Variants in CD200R1L observed in about 807,000 individuals in gnomAD.
The protein encoded by CD200R1L is cell surface glycoprotein CD200 receptor 2.
Under a neutral mutation model 24.8 loss-of-function variants are expected in CD200R1L, and 14 were observed. That is an observed-to-expected ratio of 0.56 (90% confidence interval 0.37 to 0.88). The LOEUF is 0.88. Ranked by LOEUF, CD200R1L falls within the 40% of genes least tolerant of loss-of-function variation. The pLI is 0.00. For synonymous variants in CD200R1L, 111 were observed against 109.2 expected (o/e 1.02, Z -0.11); for missense variants, 299 against 297.8 (o/e 1.00, Z -0.03).
intron 3 of CD200R1L, among the ~76,000 whole-genome samples, chr3:112,835,250 G>A (rs929897477): frequency 1.3e-5 from 2 of 152,316 alleles, no homozygotes; most frequent in East Asian, 3.9e-4. Context: ...CCTTTCTGCA[G>A]CCAGGGTGTC....
chr3:112,817,367 A>G (rs981889695), intron 7 of CD200R1L, among the ~76,000 whole-genome samples: 33 of 152,138 alleles, frequency 2.2e-4, no homozygotes, highest in African/African-American at 7.5e-4. Flanking sequence ...TTTTCTTCCA[A>G]GGCAGCTAGA....
At chr3:112,838,288 T>A (rs941316919) in intron 2 of CD200R1L, among the ~76,000 whole-genome samples, 3 of 152,106 alleles carry the variant, frequency 2.0e-5, no homozygotes, top group Non-Finnish European at 2.9e-5. Flanking sequence ...TCTGTACCAG[T>A]CTTTTGCCAG....
At chr3:112,819,942 G>A (rs2107328915) in intron 6 of CD200R1L, 47 bp from the exon 7 acceptor site, 2 of 1,508,814 alleles carry the variant, frequency 1.3e-6, no homozygotes, top group Non-Finnish European at 8.9e-7. Flanking sequence ...CATTCTTCTA[G>A]TTACAAATTA....
intron 3 of CD200R1L, among the ~76,000 whole-genome samples, chr3:112,835,806 GT>G (rs1317196958): frequency 6.6e-6 from 1 of 152,250 alleles, no homozygotes; most frequent in Non-Finnish European, 1.5e-5. Flanking sequence ...GCTTCTGCCT[GT>G]TCCCAGCTCC....
At chr3:112,828,337 G>T (rs1559922850) in intron 4 of CD200R1L, among the ~76,000 whole-genome samples, 2 of 152,110 alleles carry the variant, frequency 1.3e-5, no homozygotes, top group Non-Finnish European at 2.9e-5. Context: ...CAGTCAGTGA[G>T]ATCCACAGAT....
At chr3:112,821,056 CAAA>C (rs552399170) in intron 6 of CD200R1L, among the ~76,000 whole-genome samples, 6 of 82,774 alleles carry the variant, frequency 7.2e-5, no homozygotes, top group Admixed American at 1.4e-4. Context: ...GACTCTGTCT[CAAA>C]AAAAAAAAAA....
intron 6 of CD200R1L, among the ~76,000 whole-genome samples, chr3:112,825,217 C>T (rs1217589880): frequency 2.1e-5 from 3 of 145,566 alleles, no homozygotes; most frequent in East Asian, 2.0e-4. Flanking sequence ...CCAGCCTGGG[C>T]GACAGAGCGA....
rs568775094 is a variant in CD200R1L at position 112,825,398 on chromosome 3, T to G, written c.616+1595A>C. Reference sequence around the variant, plus strand: ...AAAAAGCTAATAAAATATTTAAAATTAGTAAATATTATATAAAATTATATA... The same window carrying G: ...AAAAAGCTAATAAAATATTTAAAATGAGTAAATATTATATAAAATTATATA... On this transcript the variant is annotated intron_variant, in intron 6 of 7. Coordinates refer to ENST00000488794, the MANE Select transcript of CD200R1L (RefSeq NM_001199215.3). Among the ~76,000 whole-genome samples the G allele has an allele frequency of 4.0e-5, 6 of 148,988 alleles. No individual in the cohort carries two copies. The East Asian group carries it at 1.2e-3, about 29-fold the overall frequency.
chr3:112,826,407 T>C (rs1055091583), intron 6 of CD200R1L, among the ~76,000 whole-genome samples: 1 of 152,152 alleles, frequency 6.6e-6, no homozygotes, highest in African/African-American at 2.4e-5. Context: ...GAGACAGAGA[T>C]ATTAAATACT....
chr3:112,824,791 G>A (rs1235672735), intron 6 of CD200R1L, among the ~76,000 whole-genome samples: 1 of 152,196 alleles, frequency 6.6e-6, no homozygotes, highest in East Asian at 1.9e-4. Context: ...CATTCTGTGA[G>A]CACAGAGGAG....
chr3:112,827,049 G>T lies in CD200R1L; in HGVS notation c.560C>A (p.Thr187Asn). 6.2e-7 allele frequency: 1 copy of T among 1,607,716 alleles called. No homozygotes were observed. The highest frequency in any genetic ancestry group is 8.5e-7 in the Non-Finnish European group (1 of 1,176,940). Residue 187 changes from threonine to asparagine, a missense_variant, in exon 6 of 8, where the codon ACC (threonine) becomes AAC (asparagine). Transcript: ENST00000488794. ...CPWEGHKSTV[T>N]CHVSHLTGNK... ...GCCAGTCAAATGGGAGACATGGCAGGTCACAGTAGACTTGTGGCCCTCCCA... is the reference window on the plus strand; with the variant it reads ...GCCAGTCAAATGGGAGACATGGCAGTTCACAGTAGACTTGTGGCCCTCCCA...
intron 2 of CD200R1L, among the ~76,000 whole-genome samples, chr3:112,842,195 T>C (rs1164864862): frequency 6.6e-6 from 1 of 152,144 alleles, no homozygotes; most frequent in Non-Finnish European, 1.5e-5. Context: ...ACCACCATGT[T>C]CTGGGAAAAG....
intron 6 of CD200R1L, among the ~76,000 whole-genome samples, chr3:112,821,412 C>G (rs1270657208): frequency 3.3e-5 from 5 of 152,224 alleles, no homozygotes; most frequent in African/African-American, 9.6e-5. Context: ...ACTACCTTTC[C>G]TTTTATTCCT....
At chr3:112,843,336 A>G (rs1939123863) in intron 2 of CD200R1L, among the ~76,000 whole-genome samples, 1 of 152,224 alleles carries the variant, frequency 6.6e-6, no homozygotes, top group African/African-American at 2.4e-5. Flanking sequence ...GCTCACTTAC[A>G]AAGAAACCCC....
chr3:112,826,948 A>C (rs1233116965), intron 6 of CD200R1L, 45 bp downstream of exon 6: 2 of 1,504,632 alleles, frequency 1.3e-6, no homozygotes, highest in Non-Finnish European at 1.8e-6. Context: ...ATGGAAGAAA[A>C]AGTTGAGCAT....
chr3:112,832,607 C>T (rs1938829078), intron 3 of CD200R1L, among the ~76,000 whole-genome samples: 1 of 152,126 alleles, frequency 6.6e-6, no homozygotes. Context: ...AGTTAGATCC[C>T]TGCAAAACAC....
At chr3:112,836,635 C>A (rs1255730834) in intron 3 of CD200R1L, among the ~76,000 whole-genome samples, 1 of 152,138 alleles carries the variant, frequency 6.6e-6, no homozygotes, top group East Asian at 1.9e-4. Context: ...TGCCAAACAC[C>A]TTTTTGACAT....
intron 2 of CD200R1L, 39 bp downstream of exon 2, chr3:112,845,640 C>T (rs764958054): frequency 1.3e-6 from 2 of 1,530,672 alleles, no homozygotes. Context: ...TGAAAGAAAG[C>T]TTTATTTTCA....
chr3:112,827,758 T>C, intron 4 of CD200R1L, 74 bp from the exon 5 acceptor site: 1 of 1,352,514 alleles, frequency 7.4e-7, no homozygotes, highest in Non-Finnish European at 1.0e-6. Flanking sequence ...TTATCCACAG[T>C]ATATTACATG....
Sources: gnomAD v4.1 joint callset for allele counts (sites outside exome capture counted in the v4.1 genomes callset) on GRCh38, gnomAD v4.1.1 for gene constraint, MANE v1.5 for transcripts, NCBI Gene and HGNC (gene_info 2026-07-23, HGNC 2026-07-21) for gene names.